Variants in KIF13B observed in about 807,000 individuals in gnomAD.
KIF13B encodes kinesin-like protein KIF13B.
In KIF13B, 127 loss-of-function variants were observed where a neutral mutation model predicts 222.0. The ratio of observed to expected loss-of-function variants is 0.57; its 90% CI spans 0.50 to 0.66. The LOEUF (loss-of-function observed/expected upper bound fraction) is 0.66. KIF13B is among the 30% of genes least tolerant of loss of function. The probability of loss-of-function intolerance (pLI) is 0.00; values close to 1 mark genes in which losing one functional copy is unlikely to be tolerated. For missense variants in KIF13B, 2,173 were observed against 2,379.0 expected (o/e 0.91, Z 1.80); for synonymous variants, 976 against 919.0 (o/e 1.06, Z -1.12).
intron 21 of KIF13B, among the ~76,000 whole-genome samples, chr8:29,138,238 G>A (rs1810650557): frequency 1.3e-5 from 2 of 152,058 alleles, no homozygotes; most frequent in African/African-American, 4.8e-5. Flanking sequence ...AGAAGGCTGA[G>A]GTGGGAGAAT....
At chr8:29,180,824 T>A (rs1812681508) in intron 7 of KIF13B, among the ~76,000 whole-genome samples, 2 of 152,070 alleles carry the variant, frequency 1.3e-5, no homozygotes, top group Non-Finnish European at 2.9e-5. Flanking sequence ...TTTTTTTTTT[T>A]AATGTTATAA....
intron 2 of KIF13B, among the ~76,000 whole-genome samples, chr8:29,234,936 T>G (rs937511938): frequency 6.6e-6 from 1 of 152,168 alleles, no homozygotes; most frequent in African/African-American, 2.4e-5. Flanking sequence ...TCTGAATCTT[T>G]ATACAAAACC....
intron 1 of KIF13B, 100 bp from the exon 2 acceptor site, chr8:29,245,539 TGCAAAC>T (rs1362814668): frequency 1.3e-6 from 1 of 782,310 alleles, no homozygotes; most frequent in Non-Finnish European, 2.1e-6. Flanking sequence ...TCTTTCATAA[TGCAAAC>T]ACTCAATGAA....
chr8:29,185,817 C>T (rs1012322866), intron 6 of KIF13B, among the ~76,000 whole-genome samples: 4 of 152,190 alleles, frequency 2.6e-5, no homozygotes, highest in African/African-American at 9.7e-5. Flanking sequence ...AAAATCTGAA[C>T]TCGAAAAACT....
At chr8:29,202,805 C>T (rs1407120546) in intron 2 of KIF13B, among the ~76,000 whole-genome samples, 1 of 152,062 alleles carries the variant, frequency 6.6e-6, no homozygotes, top group Non-Finnish European at 1.5e-5. Context: ...ATCAGTGCCA[C>T]CTGTGGACCA....
At chr8:29,142,379 C>A (rs1348023080) in intron 18 of KIF13B, 76 bp from the exon 19 acceptor site, 2 of 1,288,120 alleles carry the variant, frequency 1.6e-6, no homozygotes, top group Non-Finnish European at 2.2e-6. Context: ...CCACCCCCAT[C>A]AGTCAAATGT....
chr8:29,105,934 C>T (rs1809046540), intron 35 of KIF13B, among the ~76,000 whole-genome samples: 1 of 152,112 alleles, frequency 6.6e-6, no homozygotes, highest in South Asian at 2.1e-4. Flanking sequence ...GCTGGGATTA[C>T]AGGCCTGGCC....
intron 13 of KIF13B, 88 bp from the exon 14 acceptor site, chr8:29,155,944 C>T (rs555813718): frequency 1.8e-6 from 2 of 1,081,158 alleles, no homozygotes; most frequent in Admixed American, 2.5e-5. Context: ...TTATATTGTC[C>T]TATTACCTTT....
intron 2 of KIF13B, among the ~76,000 whole-genome samples, chr8:29,196,521 T>C (rs1314870559): frequency 6.6e-6 from 1 of 152,148 alleles, no homozygotes; most frequent in African/African-American, 2.4e-5. Context: ...GTCTTATAAA[T>C]ATATATTTTT....
intron 37 of KIF13B, among the ~76,000 whole-genome samples, chr8:29,079,231 G>C (rs1042950233): frequency 2.0e-5 from 3 of 152,132 alleles, no homozygotes; most frequent in African/African-American, 4.8e-5. Flanking sequence ...CGCCCCCGTG[G>C]AATCGTGTTC....
intron 2 of KIF13B, among the ~76,000 whole-genome samples, chr8:29,209,279 C>A (rs1485300961): frequency 1.3e-5 from 2 of 152,156 alleles, no homozygotes; most frequent in Non-Finnish European, 2.9e-5. Context: ...ACAGAAAGAA[C>A]AGGCTCATGG....
intron 31 of KIF13B, among the ~76,000 whole-genome samples, chr8:29,113,987 G>A (rs767197976): frequency 6.6e-6 from 1 of 152,156 alleles, no homozygotes; most frequent in African/African-American, 2.4e-5. Flanking sequence ...ACAAGTCCGG[G>A]CATTAAATTC....
chr8:29,072,918 C>G (rs1028848171), intron 38 of KIF13B, among the ~76,000 whole-genome samples: 1 of 152,058 alleles, frequency 6.6e-6, no homozygotes, highest in African/African-American at 2.4e-5. Context: ...CTAAAGAGAC[C>G]AGAAGAGCAC....
chr8:29,239,871 C>A (rs1369013353), intron 2 of KIF13B, among the ~76,000 whole-genome samples: 1 of 151,944 alleles, frequency 6.6e-6, no homozygotes, highest in Non-Finnish European at 1.5e-5. Context: ...CCATGTGGGC[C>A]AGGCTGGTTT....
chr8:29,111,026 C>T (rs1401654452), intron 32 of KIF13B, among the ~76,000 whole-genome samples: 3 of 152,188 alleles, frequency 2.0e-5, no homozygotes, highest in Non-Finnish European at 2.9e-5. Flanking sequence ...TTCAAAGATA[C>T]TTTTAAAAAT....
chr8:29,128,497 A>C (rs1283823610), intron 24 of KIF13B, among the ~76,000 whole-genome samples: 3 of 152,228 alleles, frequency 2.0e-5, no homozygotes, highest in African/African-American at 7.2e-5. Flanking sequence ...CCAAGGACTA[A>C]GCCTCAGATA....
chr8:29,202,612 T>C (rs915476771), intron 2 of KIF13B, among the ~76,000 whole-genome samples: 8 of 152,150 alleles, frequency 5.3e-5, no homozygotes. Context: ...GTTATTTCTT[T>C]AGTATAAGAA....
At chr8:29,225,303 A>G (rs879007078) in intron 2 of KIF13B, among the ~76,000 whole-genome samples, 6 of 152,250 alleles carry the variant, frequency 3.9e-5, no homozygotes, top group Admixed American at 3.9e-4. Context: ...TTTAGTCCTC[A>G]TAACAACCCT....
chr8:29,226,852 T>C (rs1294998940), intron 2 of KIF13B, among the ~76,000 whole-genome samples: 1 of 152,238 alleles, frequency 6.6e-6, no homozygotes, highest in Non-Finnish European at 1.5e-5. Flanking sequence ...GTAGCTAAAG[T>C]GTAGATTTCC....
Sources: gnomAD v4.1 joint callset for allele counts (sites outside exome capture counted in the v4.1 genomes callset) on GRCh38, gnomAD v4.1.1 for gene constraint, MANE v1.5 for transcripts, NCBI Gene and HGNC (gene_info 2026-07-23, HGNC 2026-07-21) for gene names.